The following TEC variants were observed in gnomAD, a reference collection of about 807,000 sequenced individuals.
TEC encodes tyrosine-protein kinase Tec.
TEC carries 72 observed loss-of-function variants against 93.0 expected under a neutral mutation model. The ratio of observed to expected loss-of-function variants is 0.77; its 90% CI spans 0.64 to 0.94. TEC has a LOEUF of 0.94. TEC is among the 40% of genes least tolerant of loss of function. The pLI is 0.00. For missense variants in TEC, 630 were observed against 757.9 expected, an observed-to-expected ratio of 0.83 and a Z score of 1.98; for synonymous variants, 249 against 247.7, an observed-to-expected ratio of 1.01 and a Z score of -0.05.
intron 6 of TEC, among the ~76,000 whole-genome samples, chr4:48,168,225 C>T (rs1040309664): frequency 1.3e-5 from 2 of 152,162 alleles, no homozygotes; most frequent in South Asian, 2.1e-4. Flanking sequence ...TACCCCACTC[C>T]TGAAAGGCAT....
chr4:48,164,478 A>G (rs767453257), intron 7 of TEC, among the ~76,000 whole-genome samples: 3 of 152,224 alleles, frequency 2.0e-5, no homozygotes, highest in Non-Finnish European at 4.4e-5. Context: ...ACAGATATAC[A>G]TATAAAATTT....
rs61241595 is a variant in TEC at position 48,179,338 on chromosome 4, GTATATATATA to G, written c.139-3162_139-3153del. 8.0e-3 allele frequency among the ~76,000 whole-genome samples: 412 copies of G among 51,584 alleles called. 10 individuals carry two copies. Among genetic ancestry groups the G allele is most frequent in the East Asian group, 0.067 (84 of 1,258 alleles). 33.8% of individuals were successfully genotyped at this position (51,584 alleles called of 152,430 possible). On this transcript the variant is annotated intron_variant, in intron 2 of 17. Coordinates refer to ENST00000381501, the MANE Select transcript of TEC (RefSeq NM_003215.3). ...CAACTATCATGTAATGACGTGGGTA[GTATATATATA>G]TATATATATATATATATATATATAT...
intron 2 of TEC, among the ~76,000 whole-genome samples, chr4:48,181,175 A>G (rs1172723155): frequency 2.0e-5 from 3 of 152,178 alleles, no homozygotes; most frequent in Non-Finnish European, 2.9e-5. Flanking sequence ...TTGAACAACC[A>G]GGTGAAAGTT....
In TEC at chr4:48,135,950, C is replaced by G. The variant is rs951240792; in HGVS notation, c.*1466G>C. On this transcript the variant is annotated 3_prime_UTR_variant, in exon 18 of 18. Transcript: ENST00000381501. Reference sequence around the variant, plus strand: ...TGAAGGCGCTGCCCAGAGCAGCCAGCCTGTGTGTTCACCCAATGCTCCAGA... The same window carrying G: ...TGAAGGCGCTGCCCAGAGCAGCCAGGCTGTGTGTTCACCCAATGCTCCAGA... 1 of 151,394 alleles carries G rather than the reference C, an allele frequency of 6.6e-6. No homozygotes were observed. Among genetic ancestry groups the G allele is most frequent in the South Asian group, 2.1e-4 (1 of 4,804 alleles). The allele number at this position is 151,394 out of a possible 1,614,324, so 9.4% of individuals were successfully genotyped here.
chr4:48,183,560 G>A (rs1254244796), intron 2 of TEC, among the ~76,000 whole-genome samples: 1 of 152,232 alleles, frequency 6.6e-6, no homozygotes, highest in Non-Finnish European at 1.5e-5. Context: ...AAGCTGGGAT[G>A]TCCATCTTCT....
intron 2 of TEC, among the ~76,000 whole-genome samples, chr4:48,203,850 G>C (rs1477786067): frequency 6.6e-6 from 1 of 152,160 alleles, no homozygotes; most frequent in Non-Finnish European, 1.5e-5. Context: ...AGAGAAACTT[G>C]CAAGCACAGA....
chr4:48,259,785 A>G (rs1231907641), intron 1 of TEC, among the ~76,000 whole-genome samples: 2 of 151,970 alleles, frequency 1.3e-5, no homozygotes, highest in Admixed American at 1.3e-4. Flanking sequence ...GTAGTTCTTT[A>G]TCAAGAAACT....
intron 2 of TEC, among the ~76,000 whole-genome samples, chr4:48,186,978 T>G (rs1019987038): frequency 1.3e-5 from 2 of 152,268 alleles, no homozygotes; most frequent in African/African-American, 4.8e-5. Flanking sequence ...ATGGCGTTTT[T>G]GTCGAATAGA....
At chr4:48,184,596 A>G (rs754971745) in intron 2 of TEC, among the ~76,000 whole-genome samples, 5 of 152,100 alleles carry the variant, frequency 3.3e-5, no homozygotes, top group Non-Finnish European at 7.4e-5. Context: ...GTTTGTACAT[A>G]TATTGCTATC....
Position 48,145,497 on chromosome 4 carries a change from T to G in TEC, c.1164A>C (p.Lys388Asn). 1.2e-6 allele frequency: 2 copies of G among 1,614,122 alleles called. No individual in the cohort carries two copies. The highest frequency in any genetic ancestry group is 1.7e-6 in the Non-Finnish European group (2 of 1,180,006). The change falls in exon 13 of 18, where the codon AAA (lysine) becomes AAC (asparagine). Residue 388 changes from lysine (K) to asparagine (N), a missense_variant. By Grantham distance (94) the Lys-to-Asn change is moderately conservative. Transcript: ENST00000381501. ...SGLFGVVRLG[K>N]WRAQYKVAIK... ...TTGCGACTTTGTACTGGGCTCGCCA[T>G]TTGCCAAGCCTCACCACTCCAAACA... is the stretch of plus-strand genomic sequence containing the variant.
chr4:48,156,867 C>A (rs1249376239), intron 8 of TEC, 133 bp from the exon 9 acceptor site: 9 of 649,414 alleles, frequency 1.4e-5, no homozygotes, highest in East Asian at 3.2e-5. Context: ...CTCATAATTT[C>A]AATAATAGAC....
intron 14 of TEC, among the ~76,000 whole-genome samples, chr4:48,143,987 G>A (rs1314343361): frequency 6.6e-6 from 1 of 152,162 alleles, no homozygotes; most frequent in Non-Finnish European, 1.5e-5. Flanking sequence ...GCACTTGGGA[G>A]GCTGAGGCAG....
chr4:48,164,475 T>C (rs574665905), intron 7 of TEC, among the ~76,000 whole-genome samples: 3 of 152,284 alleles, frequency 2.0e-5, no homozygotes, highest in South Asian at 4.1e-4. Context: ...AAAACAGATA[T>C]ACATATAAAA....
intron 2 of TEC, among the ~76,000 whole-genome samples, chr4:48,226,748 A>G (rs1047091192): frequency 1.3e-5 from 2 of 152,164 alleles, no homozygotes; most frequent in South Asian, 2.1e-4. Flanking sequence ...TTTTGACTGC[A>G]CAAGGGTTGG....
intron 2 of TEC, among the ~76,000 whole-genome samples, chr4:48,215,361 G>T (rs1399901178): frequency 6.6e-5 from 10 of 152,088 alleles, no homozygotes; most frequent in Non-Finnish European, 1.5e-4. Flanking sequence ...ATAAAAATTA[G>T]CCAGGCGTGG....
Position 48,145,101 on chromosome 4 carries a change from T to G in TEC, c.1448A>C (p.Asn483Thr), listed in dbSNP as rs761436897. 6.2e-7 allele frequency: 1 copy of G among 1,613,994 alleles called. No homozygotes were observed. Among genetic ancestry groups the G allele is most frequent in the South Asian group, 1.1e-5 (1 of 91,076 alleles). ...VCEGMEYLER[N>T]SFIHRDLAAR... ...TACCAGATCTCTGTGGATGAAGCTG[T>G]TTCTCTCCAGATACTCCATCCCTTC... Residue 483 changes from asparagine (N) to threonine (T), a missense_variant, in exon 14 of 18, where the codon AAC (asparagine) becomes ACC (threonine). By Grantham distance (65) the Asn-to-Thr change is moderately conservative (BLOSUM62 0). Around this residue, in one of 3 missense-constraint regions of TEC, gnomAD observed 289 missense variants for 390.0 expected, o/e 0.74. Transcript: ENST00000381501.
intron 8 of TEC, among the ~76,000 whole-genome samples, chr4:48,158,734 A>G (rs551628444): frequency 6.6e-6 from 1 of 152,364 alleles, no homozygotes; most frequent in South Asian, 2.1e-4. Flanking sequence ...GAAACCAAAC[A>G]TAAGATACTC....
intron 1 of TEC, among the ~76,000 whole-genome samples, chr4:48,250,832 C>G (rs1724180627): frequency 6.6e-6 from 1 of 152,168 alleles, no homozygotes; most frequent in Admixed American, 6.5e-5. Flanking sequence ...CCAAGCCCAG[C>G]CAAGATCAGC....
chr4:48,267,584 G>A (rs925616328), intron 1 of TEC, among the ~76,000 whole-genome samples: 4 of 152,126 alleles, frequency 2.6e-5, no homozygotes, highest in East Asian at 1.9e-4. Flanking sequence ...ATTTATGATC[G>A]TAATTAGTCC....
Sources: allele counts gnomAD v4.1 joint callset (sites outside exome capture counted in the v4.1 genomes callset), GRCh38; gene constraint gnomAD v4.1.1; regional missense constraint gnomAD v4.1.1; transcripts MANE v1.5; gene names NCBI Gene and HGNC (gene_info 2026-07-23, HGNC 2026-07-21).